GPC5: variants seen among roughly 807,000 people sequenced by gnomAD.
The protein encoded by GPC5 is glypican-5.
Under a neutral mutation model 53.9 loss-of-function variants are expected in GPC5, and 47 were observed. That is an observed-to-expected ratio of 0.87 (90% confidence interval 0.69 to 1.11). The LOEUF (loss-of-function observed/expected upper bound fraction) is 1.11. Ranked by LOEUF, GPC5 falls within the 50% of genes most tolerant of loss-of-function variation. GPC5 has a pLI of 0.00. For synonymous variants in GPC5, 286 were observed against 263.3 expected (o/e 1.09, Z -0.84); for missense variants, 748 against 713.1 (o/e 1.05, Z -0.56).
At chr13:92,749,272 C>T (rs1262116437) in intron 7 of GPC5, among the ~76,000 whole-genome samples, 1 of 151,986 alleles carries the variant, frequency 6.6e-6, no homozygotes, top group South Asian at 2.1e-4. Flanking sequence ...ATTAATTGAG[C>T]CATTTTTTCA....
chr13:91,890,231 G>C (rs1286771936), intron 5 of GPC5, among the ~76,000 whole-genome samples: 1 of 152,166 alleles, frequency 6.6e-6, no homozygotes, highest in Non-Finnish European at 1.5e-5. Context: ...TTTCGTGGTA[G>C]TTCTTGTTAT....
chr13:92,597,819 G>T (rs916226637), intron 7 of GPC5, among the ~76,000 whole-genome samples: 1 of 152,136 alleles, frequency 6.6e-6, no homozygotes. Flanking sequence ...TTTTACTGTG[G>T]CATCTGGCAT....
intron 7 of GPC5, among the ~76,000 whole-genome samples, chr13:92,385,610 TATAC>T: frequency 6.9e-6 from 1 of 143,904 alleles, no homozygotes; most frequent in Non-Finnish European, 1.5e-5. Flanking sequence ...TATATACACA[TATAC>T]ATATACATAC....
chr13:91,558,061 T>C (rs531239238), intron 2 of GPC5, among the ~76,000 whole-genome samples: 63 of 152,246 alleles, frequency 4.1e-4, no homozygotes, highest in African/African-American at 1.4e-3. Context: ...TTTTAAGTTT[T>C]AGGCCATGAA....
intron 2 of GPC5, among the ~76,000 whole-genome samples, chr13:91,478,881 T>TTATA (rs71113743): frequency 0.47 from 30,798 of 66,118 alleles, 8,271 homozygotes; most frequent in Non-Finnish European, 0.54. Context: ...TATATACACA[T>TTATA]TATATATATA....
intron 7 of GPC5, among the ~76,000 whole-genome samples, chr13:92,477,550 T>C (rs1342934117): frequency 6.6e-6 from 1 of 152,186 alleles, no homozygotes; most frequent in Non-Finnish European, 1.5e-5. Context: ...TTATTTTCTT[T>C]CTAAAATTGA....
intron 1 of GPC5, among the ~76,000 whole-genome samples, chr13:91,446,103 G>C (rs1226731268): frequency 2.0e-5 from 3 of 151,954 alleles, no homozygotes; most frequent in African/African-American, 7.3e-5. Context: ...TTTTGTTTTT[G>C]TTTTTTGGGG....
chr13:92,578,361 C>A (rs1367244668), intron 7 of GPC5, among the ~76,000 whole-genome samples: 1 of 152,044 alleles, frequency 6.6e-6, no homozygotes, highest in Non-Finnish European at 1.5e-5. Flanking sequence ...CAGGCTTCTC[C>A]AGAGAAACAG....
At chr13:91,405,404 T>G (rs990646796) in intron 1 of GPC5, among the ~76,000 whole-genome samples, 1 of 152,210 alleles carries the variant, frequency 6.6e-6, no homozygotes, top group Non-Finnish European at 1.5e-5. Flanking sequence ...CTTGTCCTCG[T>G]TGAAAACCAC....
At chr13:91,867,822 G>T (rs188476857) in intron 5 of GPC5, among the ~76,000 whole-genome samples, 120 of 152,086 alleles carry the variant, frequency 7.9e-4, no homozygotes, top group Admixed American at 1.6e-3. Context: ...ATAAATGAAC[G>T]AACAATTGTA....
At chr13:92,039,458 T>G (rs1008654171) in intron 6 of GPC5, among the ~76,000 whole-genome samples, 2 of 152,164 alleles carry the variant, frequency 1.3e-5, no homozygotes, top group African/African-American at 4.8e-5. Flanking sequence ...GATTAGAAAC[T>G]CCAACACTCA....
At chr13:91,801,474 T>A (rs1411578514) in intron 5 of GPC5, among the ~76,000 whole-genome samples, 1 of 152,212 alleles carries the variant, frequency 6.6e-6, no homozygotes, top group Non-Finnish European at 1.5e-5. Context: ...ATACATGTTG[T>A]TCCCCTGTGA....
chr13:91,715,075 A>G (rs1437538174), intron 3 of GPC5, among the ~76,000 whole-genome samples: 1 of 152,198 alleles, frequency 6.6e-6, no homozygotes, highest in East Asian at 1.9e-4. Context: ...AATTTCTAGG[A>G]AAAGGGTAGC....
At chr13:92,137,421 A>G (rs2041793282) in intron 6 of GPC5, among the ~76,000 whole-genome samples, 1 of 152,218 alleles carries the variant, frequency 6.6e-6, no homozygotes, top group South Asian at 2.1e-4. Flanking sequence ...GTGGGGAGCC[A>G]GTTAATGTTA....
chr13:92,116,717 A>G (rs1309040576), intron 6 of GPC5, among the ~76,000 whole-genome samples: 1 of 152,222 alleles, frequency 6.6e-6, no homozygotes, highest in Non-Finnish European at 1.5e-5. Flanking sequence ...TCACATCTGT[A>G]CTTGGTATTG....
At chr13:92,148,516 A>G (rs1593931766) in intron 7 of GPC5, among the ~76,000 whole-genome samples, 1 of 152,278 alleles carries the variant, frequency 6.6e-6, no homozygotes, top group East Asian at 1.9e-4. Flanking sequence ...GAAAGAAGCC[A>G]TCTATACTAT....
intron 3 of GPC5, among the ~76,000 whole-genome samples, chr13:91,702,461 C>CAT (rs1223412392): frequency 2.6e-5 from 4 of 151,994 alleles, no homozygotes; most frequent in Non-Finnish European, 5.9e-5. Context: ...ACTAGAGATG[C>CAT]ATAAATTTAT....
intron 2 of GPC5, among the ~76,000 whole-genome samples, chr13:91,487,575 T>G (rs1237356158): frequency 6.6e-6 from 1 of 152,232 alleles, no homozygotes; most frequent in Non-Finnish European, 1.5e-5. Context: ...GCCTTGCATC[T>G]AAAATAGTAT....
chr13:92,111,326 T>C (rs1166134967), intron 6 of GPC5, among the ~76,000 whole-genome samples: 2 of 152,118 alleles, frequency 1.3e-5, no homozygotes, highest in Non-Finnish European at 1.5e-5. Context: ...TCTTTACTCA[T>C]ACCCATGCCA....
Sources: allele counts gnomAD v4.1 joint callset (sites outside exome capture counted in the v4.1 genomes callset), GRCh38; gene constraint gnomAD v4.1.1; transcripts MANE v1.5; gene names NCBI Gene and HGNC (gene_info 2026-07-23, HGNC 2026-07-21).